The following TPRG1 variants were observed in gnomAD, a reference collection of about 807,000 sequenced individuals.
The protein encoded by TPRG1 is tumor protein p63 regulated 1, also known as tumor protein p63-regulated gene 1 protein.
In TPRG1, 29 loss-of-function variants were observed where a neutral mutation model predicts 29.3. The ratio of observed to expected loss-of-function variants is 0.99; its 90% CI spans 0.74 to 1.35. TPRG1 has a LOEUF of 1.35. TPRG1 is among the 40% of genes most tolerant of loss of function. TPRG1 has a pLI of 0.00. For synonymous variants in TPRG1, 130 were observed against 116.8 expected (o/e 1.11, Z -0.73); for missense variants, 327 against 335.0 (o/e 0.98, Z 0.19).
intron 3 of TPRG1, among the ~76,000 whole-genome samples, chr3:189,136,067 A>G (rs897999760): frequency 6.6e-6 from 1 of 152,160 alleles, no homozygotes; most frequent in African/African-American, 2.4e-5. Flanking sequence ...TAAGCTCTAT[A>G]TGTTACTCAC....
upstream of TPRG1, among the ~76,000 whole-genome samples, chr3:189,169,430 G>T (rs1178374363): frequency 6.6e-6 from 1 of 152,220 alleles, no homozygotes; most frequent in Non-Finnish European, 1.5e-5. Flanking sequence ...CTCCCAAAGT[G>T]CTGGGATTAC....
chr3:189,025,710 GA>G (rs529826056), intron 4 of TPRG1, among the ~76,000 whole-genome samples: 106 of 152,234 alleles, frequency 7.0e-4, no homozygotes, highest in Non-Finnish European at 1.3e-3. Flanking sequence ...TGAGAGGAAA[GA>G]GACATGGAAT....
intron 3 of TPRG1, among the ~76,000 whole-genome samples, chr3:189,010,971 CT>C: frequency 6.6e-6 from 1 of 152,236 alleles, no homozygotes; most frequent in East Asian, 1.9e-4. Context: ...CAGCTTCAAT[CT>C]TCTGCATATG....
intron 4 of TPRG1, among the ~76,000 whole-genome samples, chr3:189,082,106 A>G (rs571256559): frequency 6.6e-6 from 1 of 152,202 alleles, no homozygotes; most frequent in Non-Finnish European, 1.5e-5. Context: ...GGTGGAAACT[A>G]TCAGTGGCTA....
intron 4 of TPRG1, among the ~76,000 whole-genome samples, chr3:189,278,400 C>T (rs535172588): frequency 4.4e-4 from 67 of 152,236 alleles, no homozygotes; most frequent in Non-Finnish European, 8.5e-4. Context: ...GTTCCAAGTG[C>T]TGGAAGCCGG....
chr3:189,109,002 C>T lies in TPRG1; in HGVS notation c.-744+8798C>T, dbSNP rs73890972. Reference sequence around the variant, plus strand: ...GCCTGCTTGTCTTTCTGACATTTGTCATGAAGAAGCCTAAGCCCTCAGGGG... The same window carrying T: ...GCCTGCTTGTCTTTCTGACATTTGTTATGAAGAAGCCTAAGCCCTCAGGGG... On this transcript the variant is annotated intron_variant, in intron 1 of 6. Coordinates refer to the TPRG1 transcript ENST00000412373. Among the ~76,000 whole-genome samples, 1,016 of 152,084 alleles carry T rather than the reference C, an allele frequency of 6.7e-3. 14 individuals are homozygous for T. Among genetic ancestry groups the T allele is most frequent in the African/African-American group, 0.023 (958 of 41,476 alleles).
At chr3:189,083,633 A>G (rs574090580) in intron 4 of TPRG1, among the ~76,000 whole-genome samples, 1 of 152,210 alleles carries the variant, frequency 6.6e-6, no homozygotes, top group African/African-American at 2.4e-5. Flanking sequence ...CCTAGGTCTA[A>G]CAGAATTAAC....
chr3:189,212,896 A>G (rs1481520184), intron 2 of TPRG1, among the ~76,000 whole-genome samples: 2 of 152,226 alleles, frequency 1.3e-5, no homozygotes, highest in Non-Finnish European at 2.9e-5. Flanking sequence ...AATGTAAGGA[A>G]ACAAACACAT....
intron 1 of TPRG1, among the ~76,000 whole-genome samples, chr3:189,188,636 TTGGAAG>T (rs1171194028): frequency 6.6e-6 from 1 of 152,226 alleles, no homozygotes; most frequent in Non-Finnish European, 1.5e-5. Flanking sequence ...GATCTGTTCA[TTGGAAG>T]TGTACTGGGC....
intron 4 of TPRG1, among the ~76,000 whole-genome samples, chr3:189,271,756 G>A (rs1013335403): frequency 5.3e-5 from 8 of 152,218 alleles, no homozygotes; most frequent in Non-Finnish European, 1.2e-4. Context: ...ATGGACGACT[G>A]AGGTATCCTG....
intron 4 of TPRG1, among the ~76,000 whole-genome samples, chr3:189,044,135 TAG>T (rs370524302): frequency 1.3e-5 from 2 of 150,674 alleles, no homozygotes; most frequent in Non-Finnish European, 3.0e-5. Flanking sequence ...CAAAGAATAG[TAG>T]AGAGAGAGAG....
In TPRG1 at chr3:189,181,806, C is replaced by G. The variant is rs891641053; in HGVS notation, c.-10+9675C>G. ...CAGCAGCACCCTACTCTACTAGTACCAATTTACTGTATTCATCCGTTTTCA... is the reference window on the plus strand; with the variant it reads ...CAGCAGCACCCTACTCTACTAGTACGAATTTACTGTATTCATCCGTTTTCA... On this transcript the variant is annotated intron_variant, in intron 1 of 5. Transcript: ENST00000345063. 3.9e-5 allele frequency among the ~76,000 whole-genome samples: 6 copies of G among 152,210 alleles called. No homozygotes were observed. The East Asian group carries it at 1.2e-3, about 29-fold the overall frequency.
intron 3 of TPRG1, among the ~76,000 whole-genome samples, chr3:189,228,060 G>A (rs1463475089): frequency 1.3e-5 from 2 of 152,164 alleles, no homozygotes; most frequent in African/African-American, 4.8e-5. Context: ...GGCGGAGGTT[G>A]CAGTGAGTCG....
intron 4 of TPRG1, among the ~76,000 whole-genome samples, chr3:189,050,557 A>C (rs1715252759): frequency 6.6e-6 from 1 of 152,208 alleles, no homozygotes; most frequent in Non-Finnish European, 1.5e-5. Context: ...ATAGAGAAAG[A>C]AGGAACCCTC....
intron 4 of TPRG1, among the ~76,000 whole-genome samples, chr3:189,033,900 G>A (rs1040614813): frequency 2.0e-5 from 3 of 152,044 alleles, no homozygotes; most frequent in African/African-American, 7.3e-5. Context: ...AAAGAAAAAA[G>A]GTATAGAGTA....
intron 1 of TPRG1, among the ~76,000 whole-genome samples, chr3:189,124,271 T>A (rs558555026): frequency 6.6e-6 from 1 of 151,954 alleles, no homozygotes; most frequent in Non-Finnish European, 1.5e-5. Context: ...AGAAATTCCT[T>A]GTGGCAATAA....
intron 3 of TPRG1, among the ~76,000 whole-genome samples, chr3:189,010,553 CAT>C (rs984006162): frequency 6.6e-6 from 1 of 152,036 alleles, no homozygotes; most frequent in African/African-American, 2.4e-5. Flanking sequence ...GCATTTTTTT[CAT>C]GTTTGTTGGC....
intron 1 of TPRG1, among the ~76,000 whole-genome samples, chr3:189,104,032 A>T (rs1044027816): frequency 6.6e-6 from 1 of 152,136 alleles, no homozygotes; most frequent in African/African-American, 2.4e-5. Context: ...TGTTAGTGAT[A>T]CTTATGGATA....
At chr3:189,193,270 G>A (rs1443452773) in intron 1 of TPRG1, among the ~76,000 whole-genome samples, 1 of 151,076 alleles carries the variant, frequency 6.6e-6, no homozygotes, top group Non-Finnish European at 1.5e-5. Flanking sequence ...TGAGTAGCTG[G>A]GACTATATGT....
Sources: gnomAD v4.1 joint callset for allele counts (sites outside exome capture counted in the v4.1 genomes callset) on GRCh38, gnomAD v4.1.1 for gene constraint, MANE v1.5 for transcripts, NCBI Gene and HGNC (gene_info 2026-07-23, HGNC 2026-07-21) for gene names.